Variants in GSE1 observed in about 807,000 individuals in gnomAD.
GSE1 encodes genetic suppressor element 1.
A neutral mutation model predicts 112.6 loss-of-function variants in GSE1; 32 were observed. That is an observed-to-expected ratio of 0.28 (90% CI 0.21 to 0.38). The LOEUF (loss-of-function observed/expected upper bound fraction) is 0.38. Ranked by LOEUF, GSE1 falls within the 10% of genes least tolerant of loss-of-function variation. GSE1 has a pLI of 1.00. For synonymous variants in GSE1, 1,115 were observed against 735.6 expected (o/e 1.52, Z -8.35); for missense variants, 2,348 against 1,699.2 (o/e 1.38, Z -6.71).
chr16:85,287,806 C>G (rs1356435235), intron 1 of GSE1, among the ~76,000 whole-genome samples: 1 of 152,190 alleles, frequency 6.6e-6, no homozygotes, highest in Admixed American at 6.5e-5. Context: ...GCCCTCACCC[C>G]TGCTGAAGCC....
At chr16:85,307,223 G>C (rs2045703504) in intron 1 of GSE1, among the ~76,000 whole-genome samples, 1 of 152,206 alleles carries the variant, frequency 6.6e-6, no homozygotes, top group African/African-American at 2.4e-5. Context: ...TTGCATGGTG[G>C]AGAGGCAGGT....
At chr16:85,470,064 G>A (rs193009833) in intron 2 of GSE1, among the ~76,000 whole-genome samples, 7 of 152,266 alleles carry the variant, frequency 4.6e-5, no homozygotes, top group African/African-American at 1.7e-4. Flanking sequence ...TCCCTGGGAT[G>A]TGCTCACTCT....
At chr16:85,587,183 G>A (rs116273490) in intron 1 of GSE1, among the ~76,000 whole-genome samples, 5,071 of 149,116 alleles carry the variant, frequency 0.034, 305 homozygotes, top group African/African-American at 0.12. Flanking sequence ...CCCCCCCCCA[G>A]ACCAGACCCC....
intron 2 of GSE1, among the ~76,000 whole-genome samples, chr16:85,444,921 C>A (rs1458446311): frequency 6.6e-6 from 1 of 152,184 alleles, no homozygotes; most frequent in Non-Finnish European, 1.5e-5. Flanking sequence ...GCTGGCTGTG[C>A]CTCCCCCGCC....
In GSE1 at chr16:85,478,990, TCCTTCTTTCCC is replaced by T; in HGVS notation, c.2464+121348_2464+121358del. Among the ~76,000 whole-genome samples the T allele has an allele frequency of 3.2e-5, 4 of 125,212 alleles. No individual in the cohort carries two copies. In the Admixed American group the frequency reaches 3.3e-4, roughly 10 times the overall value. 82.1% of individuals were successfully genotyped at this position (125,212 alleles called of 152,430 possible). ...TTCCTTCCTTCCTTCCTTCCTTCCT[TCCTTCTTTCCC>T]TCCCTCCCTCCCTACCTCCTTCCTT... is the stretch of plus-strand genomic sequence containing the variant. On this transcript the variant is annotated intron_variant, in intron 2 of 2. Coordinates refer to the GSE1 transcript ENST00000637419.
intron 2 of GSE1, among the ~76,000 whole-genome samples, chr16:85,465,528 C>T (rs2050099517): frequency 6.6e-6 from 1 of 152,228 alleles, no homozygotes; most frequent in African/African-American, 2.4e-5. Flanking sequence ...TGACTGCACA[C>T]TGTCAGTGTC....
chr16:85,499,060 G>T (rs552144173), intron 2 of GSE1, among the ~76,000 whole-genome samples: 177 of 152,318 alleles, frequency 1.2e-3, no homozygotes, highest in South Asian at 2.3e-3. Flanking sequence ...GAGGAGTTGA[G>T]GCCAGATGGG....
chr16:85,215,528 C>A (rs1223708774), intron 1 of GSE1, among the ~76,000 whole-genome samples: 1 of 152,196 alleles, frequency 6.6e-6, no homozygotes, highest in African/African-American at 2.4e-5. Flanking sequence ...CAACAAAAAA[C>A]CATGTGTATC....
intron 1 of GSE1, among the ~76,000 whole-genome samples, chr16:85,191,998 T>C (rs759050173): frequency 2.0e-5 from 3 of 152,210 alleles, no homozygotes; most frequent in Non-Finnish European, 4.4e-5. Flanking sequence ...CTTTCCGAAG[T>C]CTAAGCTATT....
intron 1 of GSE1, among the ~76,000 whole-genome samples, chr16:85,631,085 G>A (rs779792113): frequency 3.3e-5 from 5 of 152,226 alleles, no homozygotes; most frequent in African/African-American, 1.2e-4. Context: ...ACCCTCCTGA[G>A]TGCCTCGTTG....
In GSE1 at chr16:85,311,617, CT is replaced by C. The variant is rs36117035; in HGVS notation, c.2284-45845del. On this transcript the variant is annotated intron_variant, in intron 1 of 2. Transcript: ENST00000637419. The surrounding 1 kb of genome is among the most constrained non-coding windows in gnomAD (Gnocchi z 4.2). ...TCCATGGGCTTCTGCTTCGGTGCCC[CT>C]GGGGGTCCTTCTCCAGGGCCCCTTG... Among the ~76,000 whole-genome samples the C allele has an allele frequency of 0.12, 18,547 of 152,166 alleles. 1,314 individuals are homozygous for C. The highest frequency in any genetic ancestry group is 0.2 in the African/African-American group (8,216 of 41,522).
chr16:85,466,062 G>A (rs889433292), intron 2 of GSE1, among the ~76,000 whole-genome samples: 1 of 152,170 alleles, frequency 6.6e-6, no homozygotes, highest in Non-Finnish European at 1.5e-5. Flanking sequence ...TTTTCCTTTG[G>A]GGCCCAGAGG....
intron 2 of GSE1, among the ~76,000 whole-genome samples, chr16:85,475,532 G>T (rs950618494): frequency 1.4e-4 from 22 of 152,354 alleles, no homozygotes; most frequent in Non-Finnish European, 2.9e-4. Context: ...AAAGAGTGAT[G>T]ATTTATCACG....
intron 2 of GSE1, among the ~76,000 whole-genome samples, chr16:85,532,111 G>A (rs2044158391): frequency 6.6e-6 from 1 of 152,146 alleles, no homozygotes; most frequent in Non-Finnish European, 1.5e-5. Context: ...ATTTTAATAT[G>A]GTTTGTGTAT....
intron 2 of GSE1, among the ~76,000 whole-genome samples, chr16:85,403,511 C>T (rs76434272): frequency 0.041 from 6,236 of 152,090 alleles, 432 homozygotes; most frequent in African/African-American, 0.14. Flanking sequence ...CATTGTAGGC[C>T]GGGCACAGTG....
At chr16:85,525,585 T>C (rs1232824149) in intron 2 of GSE1, among the ~76,000 whole-genome samples, 1 of 152,224 alleles carries the variant, frequency 6.6e-6, no homozygotes, top group Admixed American at 6.5e-5. Flanking sequence ...GGGGTGTCAC[T>C]GCCCACATGC....
At chr16:85,637,853 G>A (rs568696455) in intron 2 of GSE1, among the ~76,000 whole-genome samples, 266 of 152,280 alleles carry the variant, frequency 1.7e-3, no homozygotes, top group Non-Finnish European at 3.3e-3. Flanking sequence ...CGGGCTAGCG[G>A]CTGAGCTGGC....
intron 2 of GSE1, among the ~76,000 whole-genome samples, chr16:85,418,012 T>C (rs1191573995): frequency 6.6e-6 from 1 of 152,174 alleles, no homozygotes; most frequent in Non-Finnish European, 1.5e-5. Context: ...CTAATTTTTG[T>C]ATTTTTAGTA....
intron 1 of GSE1, among the ~76,000 whole-genome samples, chr16:85,173,750 A>T (rs2074405527): frequency 6.6e-6 from 1 of 152,220 alleles, no homozygotes; most frequent in African/African-American, 2.4e-5. Context: ...GAACGCCAGG[A>T]AACAAGAAGC....
Sources: allele counts gnomAD v4.1 joint callset (sites outside exome capture counted in the v4.1 genomes callset), GRCh38; gene constraint gnomAD v4.1.1; non-coding constraint Gnocchi (gnomAD v3.1); transcripts MANE v1.5; gene names NCBI Gene and HGNC (gene_info 2026-07-23, HGNC 2026-07-21).